The following PITPNM2 variants were observed in gnomAD, a reference collection of about 807,000 sequenced individuals.
The protein encoded by PITPNM2 is membrane-associated phosphatidylinositol transfer protein 2.
In PITPNM2, 35 loss-of-function variants were observed where a neutral mutation model predicts 132.2. The observed-to-expected ratio is 0.26, with a 90% CI of 0.20 to 0.35. PITPNM2 has a LOEUF of 0.35. PITPNM2 is among the 10% of genes least tolerant of loss of function. The pLI is 1.00. For missense variants in PITPNM2, 1,332 were observed against 1,912.0 expected (o/e 0.70, Z 5.66); for synonymous variants, 738 against 799.2 (o/e 0.92, Z 1.29).
chr12:123,137,192 A>C (rs2043400858), intron 1 of PITPNM2, among the ~76,000 whole-genome samples: 1 of 152,178 alleles, frequency 6.6e-6, no homozygotes, highest in Non-Finnish European at 1.5e-5. Context: ...ACAGAACTAC[A>C]GGAGGCTATG....
In PITPNM2 at chr12:123,113,711, A is replaced by ACC. The variant is rs58869258; in HGVS notation, c.-199-3225_-199-3224dup. Among the ~76,000 whole-genome samples, 661 of 151,532 alleles carry ACC rather than the reference A, an allele frequency of 4.4e-3. 2 individuals are homozygous for ACC. The highest frequency in any genetic ancestry group is 0.037 in the East Asian group (191 of 5,126). On this transcript the variant is annotated intron_variant, in intron 1 of 25. Coordinates refer to ENST00000320201, the MANE Select transcript of PITPNM2 (RefSeq NM_020845.3). ...GCAAGACCATCTATAAACCCAACAA[A>ACC]CCCCCCCACCCTTTCAAAGTATATA... is the stretch of plus-strand genomic sequence containing the variant.
intron 1 of PITPNM2, among the ~76,000 whole-genome samples, chr12:123,133,571 ATAG>A (rs1381655496): frequency 6.6e-6 from 1 of 152,192 alleles, no homozygotes; most frequent in Non-Finnish European, 1.5e-5. Context: ...CTGTGGGATG[ATAG>A]TAGGTGGTGG....
At chr12:123,147,742 T>C (rs2043647349) in intron 1 of PITPNM2, among the ~76,000 whole-genome samples, 1 of 152,034 alleles carries the variant, frequency 6.6e-6, no homozygotes, top group African/African-American at 2.4e-5. Flanking sequence ...CCACACATAG[T>C]GTGGCAAAGA....
chr12:123,068,981 A>G (rs1293093176), intron 2 of PITPNM2, among the ~76,000 whole-genome samples: 1 of 152,162 alleles, frequency 6.6e-6, no homozygotes, highest in African/African-American at 2.4e-5. Context: ...GGCCAGGTAC[A>G]GTGGCTCACA....
intron 1 of PITPNM2, among the ~76,000 whole-genome samples, chr12:123,142,882 G>GA (rs60824594): frequency 2.9e-4 from 41 of 141,062 alleles, no homozygotes; most frequent in African/African-American, 7.1e-4. Context: ...TCCCTCTTAT[G>GA]AAAAAAAAAA....
At position 122,992,678 on chromosome 12, in the gene PITPNM2, G is replaced by T. The variant is rs747738079; in HGVS notation, c.2234-9C>A. On this transcript the variant is annotated splice_polypyrimidine_tract_variant and intron_variant, in intron 15 of 25. Coordinates refer to ENST00000320201, the MANE Select transcript of PITPNM2 (RefSeq NM_020845.3). The surrounding 1 kb of genome is among the most constrained non-coding windows in gnomAD (Gnocchi z 6.5). ...CGGCCGCAGCTGGAAAACTGGGGGT[G>T]GGGGTGTTGGCTGCAGAGCTGGGGC... The T allele has an allele frequency of 1.3e-6, 2 of 1,550,774 alleles. No homozygotes were observed. The highest frequency in any genetic ancestry group is 1.7e-6 in the Non-Finnish European group (2 of 1,145,876).
chr12:123,150,166 C>A lies in PITPNM2; in HGVS notation c.-200+587G>T. ...CCTCTCCCCAAGGCCCCCCGATCAG[C>A]CCTGCCACGGATAAGAAAGGATTCG... On this transcript the variant is annotated intron_variant, in intron 1 of 25. Coordinates refer to ENST00000320201, the MANE Select transcript of PITPNM2 (RefSeq NM_020845.3). The surrounding 1 kb of genome is among the most constrained non-coding windows in gnomAD (Gnocchi z 6.0). Among the ~76,000 whole-genome samples the A allele has an allele frequency of 6.6e-6, 1 of 152,108 alleles. No individual in the cohort carries two copies. Among genetic ancestry groups the A allele is most frequent in the East Asian group, 1.9e-4 (1 of 5,178 alleles).
intron 19 of PITPNM2, 115 bp from the exon 20 acceptor site, chr12:122,988,465 GTTC>G (rs2038034920): frequency 1.1e-6 from 1 of 893,414 alleles, no homozygotes. Flanking sequence ...TGTAGGGGGT[GTTC>G]TTCAACTCAC....
intron 2 of PITPNM2, among the ~76,000 whole-genome samples, chr12:123,050,995 C>G (rs939302119): frequency 2.0e-5 from 3 of 152,188 alleles, no homozygotes; most frequent in Non-Finnish European, 4.4e-5. Flanking sequence ...TATGCACTGT[C>G]CAACTCCAAG....
At chr12:123,072,325 G>C (rs2041642516) in intron 2 of PITPNM2, among the ~76,000 whole-genome samples, 1 of 152,180 alleles carries the variant, frequency 6.6e-6, no homozygotes, top group African/African-American at 2.4e-5. Context: ...AGGGGACAGG[G>C]ACAAGGTCTT....
At chr12:122,998,222 G>A (rs1166794348) in intron 10 of PITPNM2, among the ~76,000 whole-genome samples, 1 of 152,248 alleles carries the variant, frequency 6.6e-6, no homozygotes, top group Non-Finnish European at 1.5e-5. Context: ...GTCTCCAAAA[G>A]GAGAGGTGTC....
intron 2 of PITPNM2, among the ~76,000 whole-genome samples, chr12:123,101,790 G>T (rs916769942): frequency 1.3e-5 from 2 of 152,162 alleles, no homozygotes; most frequent in African/African-American, 4.8e-5. Flanking sequence ...CGGCATGGTG[G>T]CTCATGCCTG....
intron 2 of PITPNM2, among the ~76,000 whole-genome samples, chr12:123,052,789 T>TG (rs1303245631): frequency 1.3e-5 from 2 of 151,572 alleles, no homozygotes; most frequent in East Asian, 3.9e-4. Context: ...TTTAAGTTTT[T>TG]TTTTTTTTTT....
intron 2 of PITPNM2, among the ~76,000 whole-genome samples, chr12:123,041,992 G>A (rs2040496983): frequency 6.6e-6 from 1 of 152,114 alleles, no homozygotes; most frequent in African/African-American, 2.4e-5. Flanking sequence ...TGGCCAGACC[G>A]TGTCAGAGTG....
intron 1 of PITPNM2, among the ~76,000 whole-genome samples, chr12:123,125,886 T>TTTTTG: frequency 7.8e-6 from 1 of 128,584 alleles, no homozygotes; most frequent in African/African-American, 2.9e-5. Context: ...TTTTTTTTTT[T>TTTTTG]TGAGATGGAG....
At chr12:123,139,752 T>A (rs1350607333) in intron 1 of PITPNM2, among the ~76,000 whole-genome samples, 1 of 152,166 alleles carries the variant, frequency 6.6e-6, no homozygotes, top group Non-Finnish European at 1.5e-5. Context: ...AGGAATAAAC[T>A]GGCAATCCAC....
chr12:123,116,003 A>C (rs576236936), intron 1 of PITPNM2, among the ~76,000 whole-genome samples: 33 of 152,336 alleles, frequency 2.2e-4, no homozygotes, highest in African/African-American at 7.7e-4. Context: ...GTTTATGTGA[A>C]TGGGTCTGCA....
intron 1 of PITPNM2, among the ~76,000 whole-genome samples, chr12:123,130,735 G>A (rs187787732): frequency 6.6e-5 from 10 of 152,158 alleles, no homozygotes; most frequent in East Asian, 1.9e-4. Flanking sequence ...AGGCGAGATC[G>A]CACCACTGCA....
At chr12:123,096,110 C>T (rs4148864) in intron 2 of PITPNM2, among the ~76,000 whole-genome samples, 6,272 of 152,338 alleles carry the variant, frequency 0.041, 177 homozygotes, top group East Asian at 0.17. Context: ...CGTGGCTTGT[C>T]CCCTGAAGCC....
Sources: allele counts gnomAD v4.1 joint callset (sites outside exome capture counted in the v4.1 genomes callset), GRCh38; gene constraint gnomAD v4.1.1; non-coding constraint Gnocchi (gnomAD v3.1); transcripts MANE v1.5; gene names NCBI Gene and HGNC (gene_info 2026-07-23, HGNC 2026-07-21).